LETM1: variants seen among roughly 807,000 people sequenced by gnomAD.
The protein encoded by LETM1 is leucine zipper and EF-hand containing transmembrane protein 1.
Under a neutral mutation model 74.5 loss-of-function variants are expected in LETM1, and 50 were observed. That is an observed-to-expected ratio of 0.67 (90% CI 0.53 to 0.85). The LOEUF (loss-of-function observed/expected upper bound fraction) is 0.85. Ranked by LOEUF, LETM1 falls within the 40% of genes least tolerant of loss-of-function variation. The pLI is 0.00. For synonymous variants in LETM1, 446 were observed against 407.1 expected (o/e 1.10, Z -1.15); for missense variants, 824 against 967.8 (o/e 0.85, Z 1.97).
Position 1,841,749 on chromosome 4 carries a change from G to A in LETM1, c.192C>T (p.Ser64=), listed in dbSNP as rs1306491314. The part of the protein sequence containing the change: ...CCTPIHPVYT[S]SRGDHLGCWA... ...AACAGCCGAGGTGATCGCCTCTGGA[G>A]GATGTGTACACAGGGTGGATGGGAG... Residue 64 remains serine, a synonymous_variant, in exon 3 of 14, where the codon TCC becomes TCT. Transcript: ENST00000302787. The A allele has an allele frequency of 4.3e-6, 7 of 1,613,938 alleles. No homozygotes were observed. The highest frequency in any genetic ancestry group is 2.5e-6 in the Non-Finnish European group (3 of 1,180,034).
chr4:1,820,789 C>T (rs1298396653), intron 10 of LETM1, among the ~76,000 whole-genome samples: 8 of 152,100 alleles, frequency 5.3e-5, no homozygotes, highest in African/African-American at 1.2e-4. Flanking sequence ...TTTGGGAGGT[C>T]GAGGTGGGAG....
chr4:1,828,983 A>G (rs1398647633), intron 6 of LETM1, among the ~76,000 whole-genome samples: 1 of 75,154 alleles, frequency 1.3e-5, no homozygotes, highest in African/African-American at 5.9e-5. Flanking sequence ...CTGGCCGGGC[A>G]GGGGGGCTGA....
At chr4:1,842,206 G>T (rs1045137431) in intron 2 of LETM1, among the ~76,000 whole-genome samples, 2 of 152,158 alleles carry the variant, frequency 1.3e-5, no homozygotes, top group Non-Finnish European at 2.9e-5. Context: ...TGACTTTGGA[G>T]GTCCTCTCCT....
intron 7 of LETM1, 104 bp downstream of exon 7, chr4:1,825,460 C>T (rs1711950289): frequency 1.7e-5 from 24 of 1,442,616 alleles, no homozygotes; most frequent in Middle Eastern, 2.4e-4. Context: ...AGTGTCGCCT[C>T]GCCAGGCCGG....
chr4:1,819,744 CAAAGAGTCA>C (rs1474332643), intron 10 of LETM1, among the ~76,000 whole-genome samples: 2 of 152,230 alleles, frequency 1.3e-5, no homozygotes, highest in Non-Finnish European at 2.9e-5. Flanking sequence ...TCACTACAGT[CAAAGAGTCA>C]CCTCCAAATG....
In LETM1 at chr4:1,855,905, G is replaced by A; in HGVS notation, c.46C>T (p.Arg16Cys). 1 of 1,239,528 alleles carries A rather than the reference G, an allele frequency of 8.1e-7. No individual in the cohort carries two copies. 76.8% of individuals were successfully genotyped at this position (1,239,528 alleles called of 1,614,324 possible). The change falls in exon 1 of 14, where the codon CGC becomes TGC. Residue 16 changes from arginine to cysteine, a missense_variant. Physicochemically the swap from Arg to Cys is radical, Grantham distance 180. Transcript: ENST00000302787. ...GTGTACCGAGGCGGCGGCGGGAGGC[G>A]GGCGGGCGCCCGGCCGCGGCAGCTC... ...LRSCRGRAPA[R>C]LPPPPRYTVP...
intron 6 of LETM1, among the ~76,000 whole-genome samples, chr4:1,829,181 C>A (rs1177126149): frequency 8.2e-6 from 1 of 121,918 alleles, no homozygotes; most frequent in Non-Finnish European, 1.7e-5. Flanking sequence ...ACCCCCCCCC[C>A]ACCTCCCTCC....
chr4:1,831,586 C>G (rs905465747), intron 6 of LETM1, among the ~76,000 whole-genome samples: 3 of 152,270 alleles, frequency 2.0e-5, no homozygotes, highest in Non-Finnish European at 2.9e-5. Flanking sequence ...TCAAGCCCCC[C>G]ACCTGGTCTC....
chr4:1,846,815 A>G (rs1712896250), intron 2 of LETM1, among the ~76,000 whole-genome samples: 8 of 152,190 alleles, frequency 5.3e-5, no homozygotes, highest in Admixed American at 5.2e-4. Context: ...AGCCCTGGGA[A>G]AGAAGAGGCA....
At position 1,841,443 on chromosome 4, in the gene LETM1, A is replaced by G; in HGVS notation, c.498T>C (p.His166=). The change falls in exon 3 of 14, where the codon CAT becomes CAC. Residue 166 remains histidine (H), a synonymous_variant. Transcript: ENST00000302787. ...RVLDELKHYY[H]GFRLLWIDTK... ...TGTCGATCCATAGCAGGCGGAAGCC[A>G]TGGTAGTAGTGCTTCAGCTCGTCCA... The G allele has an allele frequency of 6.2e-7, 1 of 1,614,246 alleles. No homozygotes were observed.
chr4:1,839,032 C>G (rs1206362370), intron 3 of LETM1, among the ~76,000 whole-genome samples: 1 of 152,126 alleles, frequency 6.6e-6, no homozygotes, highest in African/African-American at 2.4e-5. Flanking sequence ...AAAATAAAAC[C>G]TTGGTGGCTG....
chr4:1,842,163 G>A (rs938713655), intron 2 of LETM1, among the ~76,000 whole-genome samples: 1 of 152,150 alleles, frequency 6.6e-6, no homozygotes, highest in Non-Finnish European at 1.5e-5. Context: ...TTGGCACTTC[G>A]TGGGGGAATG....
rs1722514644 is a variant in LETM1, at chr4:1,813,003, CT to C, written c.*1420del. On this transcript the variant is annotated 3_prime_UTR_variant, in exon 14 of 14. Transcript: ENST00000302787. ...AGACTTGTTCTCAAGGGTAAGTACA[CT>C]TGGACAAACGAACACCAGGCTACTT... The C allele has an allele frequency of 6.6e-6, 1 of 152,388 alleles. No individual in the cohort carries two copies. The highest frequency in any genetic ancestry group is 1.5e-5 in the Non-Finnish European group (1 of 68,050). The allele number at this position is 152,388 out of a possible 1,614,324, so 9.4% of individuals were successfully genotyped here.
At chr4:1,828,640 G>A (rs1712118618) in intron 6 of LETM1, among the ~76,000 whole-genome samples, 1 of 128,782 alleles carries the variant, frequency 7.8e-6, no homozygotes, top group African/African-American at 3.2e-5. Context: ...GCCGGGCAGA[G>A]GCGCCCCCCA....
chr4:1,833,733 C>G (rs1712362084), intron 5 of LETM1: 1 of 152,326 alleles, frequency 6.6e-6, no homozygotes, highest in South Asian at 2.1e-4. Context: ...AGGAGGGTAC[C>G]TAGCAGAGGT....
chr4:1,849,261 T>G, intron 1 of LETM1, 52 bp from the exon 2 acceptor site: 1 of 1,310,070 alleles, frequency 7.6e-7, no homozygotes, highest in Non-Finnish European at 1.1e-6. Context: ...GGATTTATAC[T>G]GATACCTTTT....
At position 1,819,415 on chromosome 4, in the gene LETM1, G is replaced by A; in HGVS notation, c.1666C>T (p.Gln556Ter). Residue 556 changes from glutamine (Q) to a stop codon, truncating the protein, a stop_gained, in exon 11 of 14, where the codon CAG (glutamine) becomes TAG (stop). Coordinates refer to ENST00000302787, the MANE Select transcript of LETM1 (RefSeq NM_012318.3). LOFTEE classifies it high-confidence loss of function. ...DILSDACSKL[Q>*]EQKKSLTKEK... ...TTGGTGAGTGACTTCTTCTGCTCCTGCAGCTTAGAGCAGGCATCGCTGAGG... is the reference window on the plus strand; with the variant it reads ...TTGGTGAGTGACTTCTTCTGCTCCTACAGCTTAGAGCAGGCATCGCTGAGG... 6.2e-7 allele frequency: 1 copy of A among 1,613,818 alleles called. No individual in the cohort carries two copies. The highest frequency in any genetic ancestry group is 8.5e-7 in the Non-Finnish European group (1 of 1,179,850).
intron 6 of LETM1, among the ~76,000 whole-genome samples, chr4:1,830,589 C>T (rs1712231318): frequency 6.6e-6 from 1 of 152,246 alleles, no homozygotes. Context: ...CCACCTTGGC[C>T]TCCCACAGTG....
rs953041037 is a variant in LETM1, at chr4:1,813,192, C to T, written c.*1232G>A. On this transcript the variant is annotated 3_prime_UTR_variant, in exon 14 of 14. Coordinates refer to ENST00000302787, the MANE Select transcript of LETM1 (RefSeq NM_012318.3). ...TTGTCAAGTTTCTTTAATGGCTGAACAGAAAGAAGCTTCAAGTAATGGAGA... is the reference window on the plus strand; with the variant it reads ...TTGTCAAGTTTCTTTAATGGCTGAATAGAAAGAAGCTTCAAGTAATGGAGA... 1 of 152,348 alleles carries T rather than the reference C, an allele frequency of 6.6e-6. No homozygotes were observed. Among genetic ancestry groups the T allele is most frequent in the Non-Finnish European group, 1.5e-5 (1 of 68,044 alleles). The allele number at this position is 152,348 out of a possible 1,614,324, so 9.4% of individuals were successfully genotyped here. A position where few individuals can be genotyped will look rare whatever the true frequency, so the allele number is the denominator to read the frequency against.
Sources: gnomAD v4.1 joint callset for allele counts (sites outside exome capture counted in the v4.1 genomes callset) on GRCh38, gnomAD v4.1.1 for gene constraint, MANE v1.5 for transcripts, NCBI Gene and HGNC (gene_info 2026-07-23, HGNC 2026-07-21) for gene names.